EXOC4: variants seen among roughly 807,000 people sequenced by gnomAD.
EXOC4 encodes SEC8-like 1.
EXOC4 carries 71 observed loss-of-function variants against 107.2 expected under a neutral mutation model. That is an observed-to-expected ratio of 0.66 (90% confidence interval 0.55 to 0.81). The LOEUF (loss-of-function observed/expected upper bound fraction) is 0.81. Among genes scored for constraint, EXOC4 ranks in the 30% least tolerant of loss-of-function variants. The pLI, the probability that EXOC4 is intolerant of heterozygous loss-of-function variation, is 0.00. For synonymous variants in EXOC4, 456 were observed against 441.2 expected, an observed-to-expected ratio of 1.03 and a Z score of -0.42; for missense variants, 1,108 against 1,189.6, an observed-to-expected ratio of 0.93 and a Z score of 1.01.
chr7:133,938,216 C>T (rs1800349077), intron 14 of EXOC4, 147 bp downstream of exon 14: 3 of 758,648 alleles, frequency 4.0e-6, no homozygotes, highest in Non-Finnish European at 6.4e-6. Context: ...GCTTGTGTTG[C>T]ACCTCTTGTA....
At chr7:133,256,046 A>G (rs553164505) in intron 1 of EXOC4, among the ~76,000 whole-genome samples, 9 of 151,886 alleles carry the variant, frequency 5.9e-5, no homozygotes, top group African/African-American at 1.2e-4. Context: ...CAGTGGCGCA[A>G]TCTTGGCTCA....
chr7:133,947,659 C>T (rs907461882), intron 14 of EXOC4, among the ~76,000 whole-genome samples: 2 of 152,146 alleles, frequency 1.3e-5, no homozygotes, highest in African/African-American at 4.8e-5. Flanking sequence ...CACCCCCCTC[C>T]GTAAGGAGGT....
downstream of EXOC4, among the ~76,000 whole-genome samples, chr7:134,068,753 C>T (rs188088557): frequency 1.7e-3 from 261 of 152,220 alleles, no homozygotes; most frequent in Middle Eastern, 0.01. Flanking sequence ...TTTCTGAGCC[C>T]GACGGTCCTT....
chr7:133,599,300 T>G (rs1801752695), intron 9 of EXOC4, among the ~76,000 whole-genome samples: 1 of 152,236 alleles, frequency 6.6e-6, no homozygotes, highest in Admixed American at 6.5e-5. Context: ...GGCTTCTTAG[T>G]ATCTCCTGAT....
In EXOC4 at chr7:133,900,312, A is replaced by G. The variant is rs550127686; in HGVS notation, c.1871+4577A>G. Among the ~76,000 whole-genome samples the G allele has an allele frequency of 2.6e-5, 4 of 152,352 alleles. No individual in the cohort carries two copies. In the East Asian group the frequency reaches 7.7e-4, roughly 29 times the overall value. On this transcript the variant is annotated intron_variant, in intron 12 of 17. Coordinates refer to ENST00000253861, the MANE Select transcript of EXOC4 (RefSeq NM_021807.4). The stretch of plus-strand genomic sequence containing the variant: ...AGAAAATATGGCAAGATAGGTAAAA[A>G]TGCCTTGCTGTGGGAGGAAGAAATT...
chr7:133,501,969 C>T (rs956402892), intron 9 of EXOC4, among the ~76,000 whole-genome samples: 3 of 152,002 alleles, frequency 2.0e-5, no homozygotes, highest in Non-Finnish European at 2.9e-5. Flanking sequence ...AAAACCAGGG[C>T]GATTTATGAC....
intron 9 of EXOC4, among the ~76,000 whole-genome samples, chr7:133,626,640 A>C (rs923558773): frequency 1.3e-5 from 2 of 152,192 alleles, no homozygotes; most frequent in African/African-American, 4.8e-5. Context: ...GTGAATCAGT[A>C]GTCATCCTTC....
chr7:133,444,489 C>A (rs944202305), intron 7 of EXOC4, among the ~76,000 whole-genome samples: 2 of 152,140 alleles, frequency 1.3e-5, no homozygotes, highest in Admixed American at 6.5e-5. Flanking sequence ...TCCTGCCCCA[C>A]GGAGCTTATG....
intron 13 of EXOC4, among the ~76,000 whole-genome samples, chr7:133,932,555 A>G (rs945828894): frequency 1.3e-5 from 2 of 152,206 alleles, no homozygotes; most frequent in East Asian, 1.9e-4. Context: ...TACTCACTCT[A>G]TACTATCTCC....
chr7:133,904,286 G>T (rs1443870594), intron 12 of EXOC4, among the ~76,000 whole-genome samples: 1 of 152,196 alleles, frequency 6.6e-6, no homozygotes, highest in East Asian at 1.9e-4. Context: ...TTTGGCCAGG[G>T]AAGTAGCGGT....
intron 10 of EXOC4, among the ~76,000 whole-genome samples, chr7:133,755,591 C>T: frequency 6.6e-6 from 1 of 151,726 alleles, no homozygotes; most frequent in East Asian, 1.9e-4. Flanking sequence ...ATCCACCCGC[C>T]TCAGCATCCC....
chr7:133,675,645 A>C (rs1478181897), intron 10 of EXOC4, among the ~76,000 whole-genome samples: 1 of 152,098 alleles, frequency 6.6e-6, no homozygotes, highest in East Asian at 1.9e-4. Flanking sequence ...TGCTTTGTAG[A>C]TTATTTGATT....
intron 9 of EXOC4, among the ~76,000 whole-genome samples, chr7:133,596,173 G>T (rs1387815234): frequency 6.6e-6 from 1 of 152,106 alleles, no homozygotes; most frequent in Non-Finnish European, 1.5e-5. Context: ...ACCTAATCTA[G>T]ATTTCTTTGT....
At chr7:133,700,345 T>C (rs1794629346) in intron 10 of EXOC4, among the ~76,000 whole-genome samples, 1 of 152,186 alleles carries the variant, frequency 6.6e-6, no homozygotes, top group South Asian at 2.1e-4. Context: ...TTGGAGGAGC[T>C]ACACTAATCT....
intron 9 of EXOC4, among the ~76,000 whole-genome samples, chr7:133,503,936 A>G (rs1799621249): frequency 6.6e-6 from 1 of 151,986 alleles, no homozygotes; most frequent in Non-Finnish European, 1.5e-5. Flanking sequence ...TAGGTTTACA[A>G]AATGCTATTG....
intron 1 of EXOC4, among the ~76,000 whole-genome samples, chr7:133,265,415 AAAAAT>A (rs1313823455): frequency 6.6e-6 from 1 of 151,926 alleles, no homozygotes; most frequent in Non-Finnish European, 1.5e-5. Context: ...AAAAAAAAAA[AAAAAT>A]TCACTGGAAT....
At chr7:133,509,294 G>A (rs948511013) in intron 9 of EXOC4, among the ~76,000 whole-genome samples, 47 of 152,206 alleles carry the variant, frequency 3.1e-4, no homozygotes, top group African/African-American at 9.4e-4. Context: ...CGGGCGTGGT[G>A]GCGGGTGCCT....
chr7:133,741,673 G>A (rs1230363093), intron 10 of EXOC4, among the ~76,000 whole-genome samples: 1 of 152,090 alleles, frequency 6.6e-6, no homozygotes, highest in Non-Finnish European at 1.5e-5. Flanking sequence ...TCAGAATTAG[G>A]TCATTCAAAA....
intron 7 of EXOC4, among the ~76,000 whole-genome samples, chr7:133,444,989 A>G (rs1446874196): frequency 6.6e-6 from 1 of 152,148 alleles, no homozygotes; most frequent in Non-Finnish European, 1.5e-5. Flanking sequence ...TTTTAAATAG[A>G]ACAGATTTTT....
Sources: allele counts gnomAD v4.1 joint callset (sites outside exome capture counted in the v4.1 genomes callset), GRCh38; gene constraint gnomAD v4.1.1; transcripts MANE v1.5; gene names NCBI Gene and HGNC (gene_info 2026-07-23, HGNC 2026-07-21).